The following SUPT3H variants were observed in gnomAD, a reference collection of about 807,000 sequenced individuals.
SUPT3H encodes SPT3 homolog, SAGA and STAGA complex component.
In SUPT3H, 44 loss-of-function variants were observed where a neutral mutation model predicts 44.3. The ratio of observed to expected loss-of-function variants is 0.99; its 90% CI spans 0.78 to 1.28. The LOEUF is 1.28. Ranked by LOEUF, SUPT3H falls within the 50% of genes most tolerant of loss-of-function variation. SUPT3H has a pLI of 0.00. For synonymous variants in SUPT3H, 124 were observed against 125.6 expected, an observed-to-expected ratio of 0.99 and a Z score of 0.09; for missense variants, 380 against 387.1, an observed-to-expected ratio of 0.98 and a Z score of 0.15.
chr6:44,849,282 A>G (rs1002704124), intron 10 of SUPT3H, among the ~76,000 whole-genome samples: 1 of 128,658 alleles, frequency 7.8e-6, no homozygotes, highest in East Asian at 2.3e-4. Context: ...GCTGGAGTGC[A>G]GTGGCGGGAT....
At chr6:45,140,876 A>G (rs1009307616) in intron 2 of SUPT3H, among the ~76,000 whole-genome samples, 1 of 152,208 alleles carries the variant, frequency 6.6e-6, no homozygotes, top group Non-Finnish European at 1.5e-5. Context: ...TCAAGGGGTC[A>G]CCAAGTGGGA....
chr6:45,003,236 G>T (rs1229685068), intron 6 of SUPT3H, among the ~76,000 whole-genome samples: 2 of 152,110 alleles, frequency 1.3e-5, no homozygotes, highest in Non-Finnish European at 2.9e-5. Flanking sequence ...ATCAGAGCCT[G>T]CAACTATAGC....
rs557450934 is a variant in SUPT3H, at chr6:45,265,185, T to C, written c.101+100016A>G. On this transcript the variant is annotated intron_variant, in intron 2 of 10. Transcript: ENST00000371459. ...AGAAAAGACCTCTCAATAGGACACC[T>C]AATATTATCAGTGTATTTTAAATGA... is the stretch of plus-strand genomic sequence containing the variant. Among the ~76,000 whole-genome samples, 8 of 152,274 alleles carry C rather than the reference T, an allele frequency of 5.3e-5. No individual in the cohort carries two copies. The South Asian group carries it at 1.4e-3, about 28-fold the overall frequency.
chr6:45,336,686 A>C (rs1053862962), intron 2 of SUPT3H, among the ~76,000 whole-genome samples: 4 of 151,580 alleles, frequency 2.6e-5, no homozygotes, highest in South Asian at 2.1e-4. Context: ...TGCTCCAAGA[A>C]ATACTGTAAC....
intron 10 of SUPT3H, among the ~76,000 whole-genome samples, chr6:44,915,958 G>A (rs1217225422): frequency 2.0e-5 from 3 of 152,054 alleles, no homozygotes; most frequent in African/African-American, 7.3e-5. Flanking sequence ...ACTCATATTT[G>A]GCTCAGAATA....
intron 10 of SUPT3H, among the ~76,000 whole-genome samples, chr6:44,833,601 G>T (rs1483447334): frequency 6.6e-6 from 1 of 151,992 alleles, no homozygotes; most frequent in East Asian, 1.9e-4. Context: ...GTAGGGAGGG[G>T]CAAAGATTAA....
At chr6:44,869,345 G>A (rs934274889) in intron 10 of SUPT3H, among the ~76,000 whole-genome samples, 3 of 152,170 alleles carry the variant, frequency 2.0e-5, no homozygotes, top group Middle Eastern at 3.4e-3. Flanking sequence ...CAAGGGACTC[G>A]AGAAAAATAG....
intron 2 of SUPT3H, among the ~76,000 whole-genome samples, chr6:45,122,877 G>A (rs1004394433): frequency 1.3e-5 from 2 of 152,150 alleles, no homozygotes; most frequent in African/African-American, 4.8e-5. Context: ...CACTGAAAAT[G>A]AAAGGTGGAC....
intron 10 of SUPT3H, among the ~76,000 whole-genome samples, chr6:44,901,453 CGAGAA>C (rs1454894852): frequency 1.3e-5 from 2 of 151,802 alleles, no homozygotes; most frequent in Non-Finnish European, 2.9e-5. Context: ...TGAAATGAAG[CGAGAA>C]GAGAAGTTTA....
intron 2 of SUPT3H, among the ~76,000 whole-genome samples, chr6:45,274,382 T>A (rs776267016): frequency 2.0e-5 from 3 of 152,180 alleles, no homozygotes; most frequent in Non-Finnish European, 4.4e-5. Context: ...TATCTAAGAG[T>A]GTTTTGCCAA....
At chr6:45,249,033 G>C (rs183599420) in intron 2 of SUPT3H, among the ~76,000 whole-genome samples, 67 of 152,110 alleles carry the variant, frequency 4.4e-4, no homozygotes, top group Middle Eastern at 3.4e-3. Flanking sequence ...ATGCAATCTG[G>C]GAATTCTACT....
At chr6:44,833,923 C>T (rs1233118835) in intron 10 of SUPT3H, among the ~76,000 whole-genome samples, 1 of 152,156 alleles carries the variant, frequency 6.6e-6, no homozygotes, top group African/African-American at 2.4e-5. Flanking sequence ...TATAATACTT[C>T]CGAGTACAGA....
At chr6:45,140,338 T>C (rs928455467) in intron 2 of SUPT3H, among the ~76,000 whole-genome samples, 8 of 152,058 alleles carry the variant, frequency 5.3e-5, no homozygotes, top group Admixed American at 4.6e-4. Context: ...TATGGCCCCA[T>C]CACCTGAGAA....
intron 2 of SUPT3H, among the ~76,000 whole-genome samples, chr6:45,127,852 C>A (rs2153582303): frequency 6.6e-6 from 1 of 152,246 alleles, no homozygotes; most frequent in Middle Eastern, 3.4e-3. Context: ...ATAAATTTCT[C>A]TGTAGGCACA....
intron 10 of SUPT3H, among the ~76,000 whole-genome samples, chr6:44,847,409 G>A (rs775572455): frequency 1.8e-4 from 27 of 152,022 alleles, no homozygotes; most frequent in Admixed American, 4.6e-4. Context: ...TATACCTATC[G>A]CCACTTGACT....
chr6:45,263,309 A>G (rs188867371), intron 2 of SUPT3H, among the ~76,000 whole-genome samples: 57 of 152,326 alleles, frequency 3.7e-4, no homozygotes, highest in Middle Eastern at 3.4e-3. Flanking sequence ...AGCAATAAAA[A>G]GAACGAATTA....
At position 45,349,273 on chromosome 6, in the gene SUPT3H, T is replaced by C. The variant is rs146817344; in HGVS notation, c.101+15928A>G. Among the ~76,000 whole-genome samples the C allele has an allele frequency of 2.6e-3, 394 of 152,346 alleles. 3 individuals are homozygous for C. Among genetic ancestry groups the C allele is most frequent in the African/African-American group, 8.6e-3 (357 of 41,596 alleles). On this transcript the variant is annotated intron_variant, in intron 2 of 10. Coordinates refer to ENST00000371459, the MANE Select transcript of SUPT3H (RefSeq NM_003599.4). ...CTATATTTTGTCCCACAATCTTCCA[T>C]TTAATGAGTCCACTAAAATAAGGAT... is the stretch of plus-strand genomic sequence containing the variant.
chr6:45,208,926 T>C (rs1183861356), intron 2 of SUPT3H, among the ~76,000 whole-genome samples: 1 of 151,658 alleles, frequency 6.6e-6, no homozygotes, highest in Non-Finnish European at 1.5e-5. Flanking sequence ...TGACTTTAAG[T>C]TGAAGCCAGT....
At chr6:44,935,326 C>T in intron 9 of SUPT3H, among the ~76,000 whole-genome samples, 1 of 152,074 alleles carries the variant, frequency 6.6e-6, no homozygotes, top group South Asian at 2.1e-4. Context: ...TTCAAAATTG[C>T]TTCAGAAGAA....
Sources: allele counts gnomAD v4.1 joint callset (sites outside exome capture counted in the v4.1 genomes callset), GRCh38; gene constraint gnomAD v4.1.1; transcripts MANE v1.5; gene names NCBI Gene and HGNC (gene_info 2026-07-23, HGNC 2026-07-21).